The following PTPRN2 variants were observed in gnomAD, a reference collection of about 807,000 sequenced individuals.
The protein encoded by PTPRN2 is protein tyrosine phosphatase receptor type N2, also known as receptor-type tyrosine-protein phosphatase N2.
A neutral mutation model predicts 118.8 loss-of-function variants in PTPRN2; 74 were observed. The observed-to-expected ratio is 0.62, with a 90% CI of 0.52 to 0.76. The LOEUF (loss-of-function observed/expected upper bound fraction) is 0.76, where lower values mean the gene tolerates loss of function less well. Ranked by LOEUF, PTPRN2 falls within the 30% of genes least tolerant of loss-of-function variation. PTPRN2 has a pLI of 0.00. For synonymous variants in PTPRN2, 641 were observed against 608.0 expected (o/e 1.05, Z -0.80); for missense variants, 1,481 against 1,394.4 (o/e 1.06, Z -0.99).
intron 12 of PTPRN2, among the ~76,000 whole-genome samples, chr7:157,812,442 C>A (rs949196307): frequency 6.6e-6 from 1 of 152,126 alleles, no homozygotes; most frequent in Non-Finnish European, 1.5e-5. Flanking sequence ...CTGAGGAGGG[C>A]GTCCTGAGTT....
chr7:157,767,038 G>A (rs1802526158), intron 12 of PTPRN2, among the ~76,000 whole-genome samples: 1 of 152,090 alleles, frequency 6.6e-6, no homozygotes, highest in Non-Finnish European at 1.5e-5. Context: ...CCATACAATA[G>A]TCACTCCAGG....
rs952637333 is a variant in PTPRN2, at chr7:157,813,138, A to C, written c.1788+85535T>G. Among the ~76,000 whole-genome samples the C allele has an allele frequency of 3.3e-5, 5 of 152,146 alleles. No homozygotes were observed. Among genetic ancestry groups the C allele is most frequent in the African/African-American group, 9.7e-5 (4 of 41,416 alleles). ...ACCACACGCATGGCAGCCTCCCCCA[A>C]GCCAACCACCCGGGCCCACAGACAA... On this transcript the variant is annotated intron_variant, in intron 12 of 22. Transcript: ENST00000389418. The surrounding 1 kb of genome is among the most constrained non-coding windows in gnomAD (Gnocchi z 4.7).
rs1467221952 is a variant in PTPRN2, at chr7:157,598,900, TC to T, written c.2419-3586del. On this transcript the variant is annotated intron_variant, in intron 16 of 22. Coordinates refer to ENST00000389418, the MANE Select transcript of PTPRN2 (RefSeq NM_002847.5). The surrounding 1 kb of genome is among the most constrained non-coding windows in gnomAD (Gnocchi z 5.2). ...AGACAGGGGCTTCTGCAGCAACACA[TC>T]CCGCCTAGAGAGGCCGGTACCACAG... Among the ~76,000 whole-genome samples the T allele has an allele frequency of 2.0e-5, 3 of 152,116 alleles. No individual in the cohort carries two copies. The highest frequency in any genetic ancestry group is 7.2e-5 in the African/African-American group (3 of 41,410).
At chr7:158,171,306 C>T (rs971933499) in intron 5 of PTPRN2, among the ~76,000 whole-genome samples, 9,020 of 33,062 alleles carry the variant, frequency 0.27, 1,361 homozygotes, top group African/African-American at 0.46. Context: ...TATATATACA[C>T]ACATATATAT....
chr7:158,225,313 T>C (rs1828670087), intron 3 of PTPRN2, among the ~76,000 whole-genome samples: 1 of 152,008 alleles, frequency 6.6e-6, no homozygotes, highest in Non-Finnish European at 1.5e-5. Context: ...AGCCCCAAAC[T>C]GGGAACCACC....
chr7:157,718,559 C>T lies in PTPRN2; in HGVS notation c.1789-35622G>A, dbSNP rs144906038. Among the ~76,000 whole-genome samples, 609 of 151,720 alleles carry T rather than the reference C, an allele frequency of 4.0e-3. 12 individuals are homozygous for T. The highest frequency in any genetic ancestry group is 6.6e-3 in the East Asian group (34 of 5,146). On this transcript the variant is annotated intron_variant, in intron 12 of 22. Coordinates refer to ENST00000389418, the MANE Select transcript of PTPRN2 (RefSeq NM_002847.5). The stretch of plus-strand genomic sequence containing the variant: ...CCAGGCGTCTGAGGTGACACTGCAG[C>T]CTCTCTCCGTGGCCCTGTGGTGAGT...
At position 158,015,441 on chromosome 7, in the gene PTPRN2, AGAG is replaced by A. The variant is rs1355233043; in HGVS notation, c.1723+65854_1723+65856del. On this transcript the variant is annotated intron_variant, in intron 11 of 22. Coordinates refer to ENST00000389418, the MANE Select transcript of PTPRN2 (RefSeq NM_002847.5). The surrounding 1 kb of genome is among the most constrained non-coding windows in gnomAD (Gnocchi z 4.2). ...GATGGGGAGAGAGAGGGAAAAAGTG[AGAG>A]GAGGGGTGGTGAGAGAGAGAGAGAG... is the stretch of plus-strand genomic sequence containing the variant. Among the ~76,000 whole-genome samples, 1 of 145,154 alleles carries A rather than the reference AGAG, an allele frequency of 6.9e-6. No individual in the cohort carries two copies. Among genetic ancestry groups the A allele is most frequent in the African/African-American group, 2.5e-5 (1 of 39,220 alleles).
intron 2 of PTPRN2, among the ~76,000 whole-genome samples, chr7:158,401,400 G>C (rs1812938119): frequency 1.3e-5 from 2 of 152,276 alleles, no homozygotes; most frequent in Non-Finnish European, 2.9e-5. Context: ...TGGACCCCAA[G>C]GGAGCAGCAT....
Position 158,587,636 on chromosome 7 carries a change from G to A in PTPRN2, c.34C>T (p.Leu12=). 7.3e-7 allele frequency: 1 copy of A among 1,370,724 alleles called. No individual in the cohort carries two copies. The highest frequency in any genetic ancestry group is 9.4e-7 in the Non-Finnish European group (1 of 1,065,172). The allele number at this position is 1,370,724 out of a possible 1,614,324, so 84.9% of individuals were successfully genotyped here. Residue 12 remains leucine (L), a synonymous_variant, in exon 1 of 23, where the codon CTG becomes TTG. Transcript: ENST00000389418. ...AGGACGCGTGGCGGCAGCAGCAGCA[G>A]TAGCAGCAGCAGCAGCGGGAGCGGC... ...GPPLPLLLLL[L]LLLPPRVLPA...
intron 5 of PTPRN2, among the ~76,000 whole-genome samples, chr7:158,183,227 CT>C (rs769638510): frequency 1.4e-4 from 22 of 152,218 alleles, no homozygotes; most frequent in Non-Finnish European, 2.2e-4. Flanking sequence ...TGGTTTGTGT[CT>C]TTTTATCCAT....
chr7:157,952,149 C>T (rs888544545), intron 11 of PTPRN2, among the ~76,000 whole-genome samples: 2 of 152,192 alleles, frequency 1.3e-5, no homozygotes, highest in Admixed American at 6.5e-5. Context: ...TGAAGCCTCT[C>T]GGGCTGGGCA....
At chr7:157,906,001 C>T (rs1797749631) in intron 11 of PTPRN2, among the ~76,000 whole-genome samples, 1 of 152,222 alleles carries the variant, frequency 6.6e-6, no homozygotes, top group African/African-American at 2.4e-5. Context: ...TGCCACTTTC[C>T]ACCCAGGGCC....
intron 11 of PTPRN2, among the ~76,000 whole-genome samples, chr7:158,070,323 C>CCCG (rs1811124515): frequency 5.4e-5 from 8 of 147,320 alleles, no homozygotes; most frequent in Admixed American, 6.7e-5. Context: ...GGTGGAGGTG[C>CCCG]TCGTGGTGTG....
At chr7:157,836,715 A>G (rs1020261881) in intron 12 of PTPRN2, among the ~76,000 whole-genome samples, 2 of 152,178 alleles carry the variant, frequency 1.3e-5, no homozygotes, top group Non-Finnish European at 2.9e-5. Context: ...TATTTTAACA[A>G]AAATATGATT....
chr7:157,782,298 G>A (rs1009110846), intron 12 of PTPRN2, among the ~76,000 whole-genome samples: 1 of 152,246 alleles, frequency 6.6e-6, no homozygotes, highest in East Asian at 1.9e-4. Flanking sequence ...CGCTAAGTGG[G>A]TCTGGACTCA....
Position 157,981,977 on chromosome 7 carries a change from A to T in PTPRN2, c.1724-83240T>A, listed in dbSNP as rs1195203226. Among the ~76,000 whole-genome samples, 176 of 129,998 alleles carry T rather than the reference A, an allele frequency of 1.4e-3. 1 individual carries two copies. The highest frequency in any genetic ancestry group is 5.1e-3 in the Middle Eastern group (1 of 196). 85.3% of individuals were successfully genotyped at this position (129,998 alleles called of 152,430 possible). The stretch of plus-strand genomic sequence containing the variant: ...AGGAGGGGAATGCAGAGTGCAGGGT[A>T]CCGCCCAGAACCCCTGAGTCATAGA... On this transcript the variant is annotated intron_variant, in intron 11 of 22. Transcript: ENST00000389418.
chr7:157,681,833 G>A (rs1183900919), intron 13 of PTPRN2, among the ~76,000 whole-genome samples: 2 of 152,196 alleles, frequency 1.3e-5, no homozygotes, highest in Non-Finnish European at 2.9e-5. Flanking sequence ...ATTGCACACT[G>A]TAATCATGTG....
chr7:158,489,996 C>A (rs1338846950), intron 1 of PTPRN2, among the ~76,000 whole-genome samples: 1 of 152,218 alleles, frequency 6.6e-6, no homozygotes. Context: ...GGCCTAGTCC[C>A]GGAGCCCAGC....
chr7:158,144,435 G>A (rs1819695181), intron 6 of PTPRN2, among the ~76,000 whole-genome samples: 1 of 152,110 alleles, frequency 6.6e-6, no homozygotes, highest in African/African-American at 2.4e-5. Flanking sequence ...CCTAGGAGTT[G>A]GAGACCAGCC....
Sources: allele counts gnomAD v4.1 joint callset (sites outside exome capture counted in the v4.1 genomes callset), GRCh38; gene constraint gnomAD v4.1.1; non-coding constraint Gnocchi (gnomAD v3.1); transcripts MANE v1.5; gene names NCBI Gene and HGNC (gene_info 2026-07-23, HGNC 2026-07-21).